SENP7: variants seen among roughly 807,000 people sequenced by gnomAD.
SENP7 encodes sentrin-specific protease 7.
In SENP7, 64 loss-of-function variants were observed where a neutral mutation model predicts 141.2. That is an observed-to-expected ratio of 0.45 (90% CI 0.37 to 0.56). SENP7 has a LOEUF of 0.56. SENP7 is among the 20% of genes least tolerant of loss of function. The pLI is 0.00. For missense variants in SENP7, 1,025 were observed against 1,212.2 expected (o/e 0.85, Z 2.29); for synonymous variants, 382 against 426.4 (o/e 0.90, Z 1.28).
At chr3:101,407,736 G>C (rs942856861) in intron 5 of SENP7, among the ~76,000 whole-genome samples, 1 of 152,068 alleles carries the variant, frequency 6.6e-6, no homozygotes, top group Non-Finnish European at 1.5e-5. Flanking sequence ...TTTTCCAACT[G>C]AACAACAATA....
chr3:101,411,997 T>C (rs977688541), intron 5 of SENP7, among the ~76,000 whole-genome samples: 15 of 152,120 alleles, frequency 9.9e-5, no homozygotes, highest in African/African-American at 3.4e-4. Flanking sequence ...GTTTTCTCAA[T>C]TGCAAACTAC....
intron 3 of SENP7, among the ~76,000 whole-genome samples, chr3:101,468,894 T>C (rs764251962): frequency 2.6e-5 from 4 of 152,146 alleles, no homozygotes; most frequent in Non-Finnish European, 5.9e-5. Context: ...AATACCCCAA[T>C]TAAAAGACAC....
At chr3:101,459,258 A>G (rs2063469625) in intron 3 of SENP7, among the ~76,000 whole-genome samples, 1 of 152,204 alleles carries the variant, frequency 6.6e-6, no homozygotes, top group African/African-American at 2.4e-5. Flanking sequence ...AAGACATTTT[A>G]AAGTACCAAG....
intron 2 of SENP7, among the ~76,000 whole-genome samples, chr3:101,500,463 A>T (rs746742622): frequency 1.3e-5 from 2 of 152,124 alleles, no homozygotes; most frequent in Non-Finnish European, 2.9e-5. Flanking sequence ...AGGCTGAGGC[A>T]GGAGGATCCC....
intron 5 of SENP7, among the ~76,000 whole-genome samples, chr3:101,403,252 T>C (rs76293754): frequency 0.094 from 14,261 of 152,326 alleles, 785 homozygotes; most frequent in African/African-American, 0.15. Context: ...GTCTATTAAG[T>C]GTGCAATGGC....
In SENP7 at chr3:101,364,736, A is replaced by G. The variant is rs939647933; in HGVS notation, c.1476+98T>C. The stretch of plus-strand genomic sequence containing the variant: ...AAAATTCAAACTAAGAAAATTTGTA[A>G]TTTTCATTACAATATTCAGCTTGAT... On this transcript the variant is annotated intron_variant, in intron 10 of 23. Transcript: ENST00000394095. 8 of 905,648 alleles carry G rather than the reference A, an allele frequency of 8.8e-6. No individual in the cohort carries two copies. The African/African-American group carries it at 1.4e-4, about 16-fold the overall frequency. The allele number at this position is 905,648 out of a possible 1,614,324, so 56.1% of individuals were successfully genotyped here.
intron 2 of SENP7, among the ~76,000 whole-genome samples, chr3:101,497,169 G>A (rs1466675470): frequency 1.3e-5 from 2 of 152,164 alleles, no homozygotes; most frequent in African/African-American, 4.8e-5. Context: ...GCCTTGTGGT[G>A]TTGGACCGGA....
intron 5 of SENP7, among the ~76,000 whole-genome samples, chr3:101,409,313 T>A (rs1444977019): frequency 2.0e-5 from 3 of 152,136 alleles, no homozygotes; most frequent in African/African-American, 7.2e-5. Context: ...TGGAAACACA[T>A]CCCATACTCA....
chr3:101,493,608 T>TA (rs2065044851), intron 3 of SENP7, among the ~76,000 whole-genome samples: 2 of 139,932 alleles, frequency 1.4e-5, no homozygotes, highest in African/African-American at 5.1e-5. Context: ...TTAGTAAACT[T>TA]AAAACAGAAT....
rs1225134422 is a variant in SENP7, at chr3:101,502,123, A to G, written c.41-1004T>C. Among the ~76,000 whole-genome samples the G allele has an allele frequency of 7.2e-4, 110 of 152,250 alleles. 1 individual carries two copies. Among genetic ancestry groups the G allele is most frequent in the Non-Finnish European group, 2.9e-5 (2 of 68,046 alleles). On this transcript the variant is annotated intron_variant, in intron 1 of 23. Transcript: ENST00000394095. ...CCTAACCACAAATGAAAACGTTAATAAACTGTACTTCATTAAAATTAAGAA... is the reference window on the plus strand; with the variant it reads ...CCTAACCACAAATGAAAACGTTAATGAACTGTACTTCATTAAAATTAAGAA...
At chr3:101,415,495 A>G (rs2061589075) in intron 5 of SENP7, among the ~76,000 whole-genome samples, 1 of 152,184 alleles carries the variant, frequency 6.6e-6, no homozygotes, top group African/African-American at 2.4e-5. Flanking sequence ...ACAGTAAAAG[A>G]GGAGCAGTTG....
At chr3:101,452,271 T>C (rs1348663251) in intron 4 of SENP7, among the ~76,000 whole-genome samples, 2 of 152,154 alleles carry the variant, frequency 1.3e-5, no homozygotes, top group Non-Finnish European at 2.9e-5. Flanking sequence ...ATCAATATCA[T>C]GAAAATGGCC....
chr3:101,422,926 A>G (rs2061834622), intron 4 of SENP7, among the ~76,000 whole-genome samples: 1 of 152,248 alleles, frequency 6.6e-6, no homozygotes, highest in Non-Finnish European at 1.5e-5. Flanking sequence ...CAATGAATAC[A>G]TAAACATGAC....
At chr3:101,415,442 G>C (rs192266499) in intron 5 of SENP7, among the ~76,000 whole-genome samples, 19 of 148,030 alleles carry the variant, frequency 1.3e-4, no homozygotes, top group African/African-American at 4.2e-4. Flanking sequence ...CCTTGGAAGA[G>C]AAAGGGGTTT....
chr3:101,427,621 G>T (rs1032426747), intron 4 of SENP7, among the ~76,000 whole-genome samples: 2 of 151,768 alleles, frequency 1.3e-5, no homozygotes, highest in Non-Finnish European at 2.9e-5. Context: ...TTTCATTCAG[G>T]TACAATGCAT....
At chr3:101,348,738 C>T (rs1002240817) in intron 12 of SENP7, among the ~76,000 whole-genome samples, 1 of 151,898 alleles carries the variant, frequency 6.6e-6, no homozygotes, top group Non-Finnish European at 1.5e-5. Context: ...GGTCTTTCTC[C>T]CTCTTAGGGA....
At chr3:101,478,777 A>G (rs1034203498) in intron 3 of SENP7, among the ~76,000 whole-genome samples, 16 of 152,182 alleles carry the variant, frequency 1.1e-4, no homozygotes, top group Non-Finnish European at 5.9e-5. Context: ...CCTTATGAAA[A>G]CAGACACAAA....
chr3:101,400,204 A>G (rs941306079), intron 5 of SENP7, among the ~76,000 whole-genome samples: 9 of 152,252 alleles, frequency 5.9e-5, no homozygotes, highest in African/African-American at 1.4e-4. Context: ...ATGTAATTTT[A>G]AAGTTTTCCT....
chr3:101,466,532 A>G (rs1395681025), intron 3 of SENP7, among the ~76,000 whole-genome samples: 1 of 152,174 alleles, frequency 6.6e-6, no homozygotes, highest in East Asian at 1.9e-4. Flanking sequence ...GACAAATAAC[A>G]TCTTTCCCAG....
Sources: gnomAD v4.1 joint callset for allele counts (sites outside exome capture counted in the v4.1 genomes callset) on GRCh38, gnomAD v4.1.1 for gene constraint, MANE v1.5 for transcripts, NCBI Gene and HGNC (gene_info 2026-07-23, HGNC 2026-07-21) for gene names.